KPNA5: variants seen among roughly 807,000 people sequenced by gnomAD.
The protein encoded by KPNA5 is importin subunit alpha-6.
A neutral mutation model predicts 71.3 loss-of-function variants in KPNA5; 46 were observed. The observed-to-expected ratio is 0.65, with a 90% CI of 0.51 to 0.83. KPNA5 has a LOEUF of 0.83. Ranked by LOEUF, KPNA5 falls within the 40% of genes least tolerant of loss-of-function variation. KPNA5 has a pLI of 0.00. For missense variants in KPNA5, 547 were observed against 628.3 expected, an observed-to-expected ratio of 0.87 and a Z score of 1.38; for synonymous variants, 207 against 201.4, an observed-to-expected ratio of 1.03 and a Z score of -0.24.
In KPNA5 at chr6:116,689,444, A is replaced by G. The variant is rs752933299; in HGVS notation, c.129A>G (p.Arg43=). Reference sequence around the variant, plus strand: ...GAATACAGCTTAGAAAACAAAAAAGAGAAGAACAGGTAGGTGTTTTTAGCT... The same window carrying G: ...GAATACAGCTTAGAAAACAAAAAAGGGAAGAACAGGTAGGTGTTTTTAGCT... ...EEGIQLRKQK[R]EEQLFKRRNV... Residue 43 remains arginine, a synonymous_variant, in exon 2 of 14, where the codon AGA becomes AGG. Coordinates refer to ENST00000368564, the MANE Select transcript of KPNA5 (RefSeq NM_001366306.2). The G allele has an allele frequency of 6.3e-7, 1 of 1,579,932 alleles. No homozygotes were observed. Among genetic ancestry groups the G allele is most frequent in the Non-Finnish European group, 8.6e-7 (1 of 1,169,106 alleles).
chr6:116,687,517 G>T (rs772626667), intron 1 of KPNA5, among the ~76,000 whole-genome samples: 1 of 152,136 alleles, frequency 6.6e-6, no homozygotes, highest in African/African-American at 2.4e-5. Flanking sequence ...TATACGAAAA[G>T]AGTGATTTTT....
At chr6:116,682,735 A>C (rs999447087) in intron 1 of KPNA5, among the ~76,000 whole-genome samples, 2 of 152,198 alleles carry the variant, frequency 1.3e-5, no homozygotes, top group Admixed American at 1.3e-4. Flanking sequence ...GAATGAAAAA[A>C]ATTCCTCTAT....
chr6:116,695,217 C>G (rs900203442), intron 4 of KPNA5, among the ~76,000 whole-genome samples: 3 of 152,084 alleles, frequency 2.0e-5, no homozygotes, highest in African/African-American at 7.2e-5. Flanking sequence ...GTGTGAGCCA[C>G]CATGCTTGGC....
chr6:116,729,157 CCGTG>C (rs1349910876), intron 12 of KPNA5, among the ~76,000 whole-genome samples: 1 of 80,040 alleles, frequency 1.2e-5, no homozygotes, highest in Non-Finnish European at 2.3e-5. Flanking sequence ...CATATGACCT[CCGTG>C]TGTGTGTGTG....
chr6:116,732,072 GTTTATATATATATATATATATATATA>G (rs1332936883), intron 13 of KPNA5, 38 bp from the exon 14 acceptor site: 5 of 69,542 alleles, frequency 7.2e-5, no homozygotes, highest in Admixed American at 2.5e-4. Flanking sequence ...GTAACAGTTT[GTTTATATATATATATATATATATATA>G]TATATATATA....
At chr6:116,711,335 C>T (rs1479234642) in intron 7 of KPNA5, among the ~76,000 whole-genome samples, 2 of 144,254 alleles carry the variant, frequency 1.4e-5, no homozygotes, top group African/African-American at 2.6e-5. Flanking sequence ...TGTATTTTAT[C>T]TCTGGTCTTA....
chr6:116,705,317 A>G (rs938023874), intron 7 of KPNA5, among the ~76,000 whole-genome samples, 157 bp downstream of exon 7: 2 of 152,218 alleles, frequency 1.3e-5, no homozygotes, highest in Non-Finnish European at 2.9e-5. Flanking sequence ...GAAATTTTCA[A>G]ATTGTTATCT....
At position 116,689,309 on chromosome 6, in the gene KPNA5, C is replaced by T. The variant is rs2114366259; in HGVS notation, c.5-11C>T. 1.3e-6 allele frequency: 2 copies of T among 1,595,128 alleles called. No individual in the cohort carries two copies. The highest frequency in any genetic ancestry group is 4.5e-5 in the East Asian group (2 of 44,256). On this transcript the variant is annotated splice_polypyrimidine_tract_variant and intron_variant, in intron 1 of 13. Coordinates refer to ENST00000368564, the MANE Select transcript of KPNA5 (RefSeq NM_001366306.2). ...TTATCAGTGTCTGTTTTCTTTTCTCCTTCCTTTAAGATGCCATGGCTAGTC... is the reference window on the plus strand; with the variant it reads ...TTATCAGTGTCTGTTTTCTTTTCTCTTTCCTTTAAGATGCCATGGCTAGTC...
Position 116,740,491 on chromosome 6 carries a change from TG to T in KPNA5, c.*8171del, listed in dbSNP as rs1779834235. 1 of 152,188 alleles carries T rather than the reference TG, an allele frequency of 6.6e-6. No individual in the cohort carries two copies. 9.4% of individuals were successfully genotyped at this position (152,188 alleles called of 1,614,324 possible). Reference sequence around the variant, plus strand: ...CCATTTGACCCAGCCATCCCATTACTGGGTATATACCCAAAGGAATATAAAT... The same window carrying T: ...CCATTTGACCCAGCCATCCCATTACTGGTATATACCCAAAGGAATATAAAT... On this transcript the variant is annotated 3_prime_UTR_variant, in exon 14 of 14. Transcript: ENST00000368564.
chr6:116,716,414 T>C (rs1322235442), intron 8 of KPNA5, 96 bp downstream of exon 8: 3 of 805,890 alleles, frequency 3.7e-6, no homozygotes, highest in East Asian at 2.7e-5. Context: ...ACTTTTTGTT[T>C]AGTAATTATT....
intron 1 of KPNA5, among the ~76,000 whole-genome samples, chr6:116,682,926 T>C (rs1345819232): frequency 6.6e-6 from 1 of 152,108 alleles, no homozygotes; most frequent in East Asian, 1.9e-4. Context: ...GCAACTGCAG[T>C]GAGGATGGAT....
intron 4 of KPNA5, among the ~76,000 whole-genome samples, chr6:116,694,345 G>T (rs1396421687): frequency 6.6e-6 from 1 of 152,102 alleles, no homozygotes; most frequent in East Asian, 1.9e-4. Context: ...CCATTTTCAT[G>T]ATATTGATTC....
Position 116,702,070 on chromosome 6 carries a change from A to T in KPNA5, c.487A>T (p.Thr163Ser). 6.2e-7 allele frequency: 1 copy of T among 1,613,820 alleles called. No homozygotes were observed. Among genetic ancestry groups the T allele is most frequent in the South Asian group, 1.1e-5 (1 of 91,064 alleles). Residue 163 changes from threonine (T) to serine (S), a missense_variant, in exon 6 of 14, where the codon ACC becomes TCC. By Grantham distance (58) the Thr-to-Ser change is moderately conservative. Coordinates refer to ENST00000368564, the MANE Select transcript of KPNA5 (RefSeq NM_001366306.2). Reference sequence around the variant, plus strand: ...TATAGCATCTGGAACTTTTCTGCATACCAAGGTAGTGATTGAAACTGGGGC... The same window carrying T: ...TATAGCATCTGGAACTTTTCTGCATTCCAAGGTAGTGATTGAAACTGGGGC... The part of the protein sequence containing the change: ...TNIASGTFLH[T>S]KVVIETGAVP...
chr6:116,699,196 G>C (rs1778141057), intron 5 of KPNA5, among the ~76,000 whole-genome samples: 1 of 151,906 alleles, frequency 6.6e-6, no homozygotes, highest in South Asian at 2.1e-4. Flanking sequence ...TTTCAAAACA[G>C]AATAAATTAT....
intron 1 of KPNA5, among the ~76,000 whole-genome samples, chr6:116,682,988 A>T (rs148819890): frequency 6.6e-6 from 1 of 152,342 alleles, no homozygotes; most frequent in East Asian, 1.9e-4. Context: ...AAAAGGAACA[A>T]GTGATATCTG....
intron 7 of KPNA5, among the ~76,000 whole-genome samples, chr6:116,707,311 A>C (rs1778483932): frequency 6.6e-6 from 1 of 152,186 alleles, no homozygotes; most frequent in Non-Finnish European, 1.5e-5. Flanking sequence ...TTTGATTCTC[A>C]GTAAATGTAA....
intron 7 of KPNA5, among the ~76,000 whole-genome samples, chr6:116,710,890 T>C (rs1413231853): frequency 1.4e-5 from 1 of 70,986 alleles, no homozygotes; most frequent in Non-Finnish European, 2.4e-5. Flanking sequence ...TATATATATA[T>C]ATATTTTTTT....
intron 7 of KPNA5, among the ~76,000 whole-genome samples, chr6:116,711,385 AC>A (rs563606289): frequency 6.3e-4 from 90 of 142,256 alleles, no homozygotes; most frequent in African/African-American, 2.3e-3. Context: ...AGTTTTGTTT[AC>A]TCTAATTTTT....
In KPNA5 at chr6:116,692,151, C is replaced by A; in HGVS notation, c.235C>A (p.Pro79Thr). 6.3e-7 allele frequency: 1 copy of A among 1,594,298 alleles called. No homozygotes were observed. The highest frequency in any genetic ancestry group is 1.1e-5 in the South Asian group (1 of 89,812). ...DPDISSTVPI[P>T]EEEVVTTDMV... ...AGATATTAGTTCCACTGTACCCATTCCAGAGGTATACTTTACCAAAATATG... is the reference window on the plus strand; with the variant it reads ...AGATATTAGTTCCACTGTACCCATTACAGAGGTATACTTTACCAAAATATG... The change falls in exon 3 of 14, where the codon CCA (proline) becomes ACA (threonine). Residue 79 changes from proline to threonine, a missense_variant. By Grantham distance (38) the Pro-to-Thr change is conservative. Transcript: ENST00000368564.
Sources: allele counts gnomAD v4.1 joint callset (sites outside exome capture counted in the v4.1 genomes callset), GRCh38; gene constraint gnomAD v4.1.1; transcripts MANE v1.5; gene names NCBI Gene and HGNC (gene_info 2026-07-23, HGNC 2026-07-21).